Variants in CAMTA1 observed in about 807,000 individuals in gnomAD.
CAMTA1 encodes the protein calmodulin-binding transcription activator 1.
CAMTA1 carries 27 observed loss-of-function variants against 170.9 expected under a neutral mutation model. The observed-to-expected ratio is 0.16, with a 90% CI of 0.12 to 0.22. The LOEUF is 0.22. Ranked by LOEUF, CAMTA1 falls within the 10% of genes least tolerant of loss-of-function variation. The probability of loss-of-function intolerance (pLI) is 1.00; values close to 1 mark genes in which losing one functional copy is unlikely to be tolerated. For missense variants in CAMTA1, 1,619 were observed against 2,217.2 expected, an observed-to-expected ratio of 0.73 and a Z score of 5.42; for synonymous variants, 833 against 891.5, an observed-to-expected ratio of 0.93 and a Z score of 1.17.
At chr1:6,904,932 C>A (rs1461342088) in intron 3 of CAMTA1, among the ~76,000 whole-genome samples, 1 of 151,834 alleles carries the variant, frequency 6.6e-6, no homozygotes, top group African/African-American at 2.4e-5. Context: ...CACTCCGACT[C>A]GCTGTGTGTC....
intron 3 of CAMTA1, among the ~76,000 whole-genome samples, chr1:6,903,925 C>T (rs563389124): frequency 2.0e-5 from 3 of 152,282 alleles, no homozygotes; most frequent in South Asian, 2.1e-4. Flanking sequence ...GCAGTGTCAT[C>T]GTTGGGCAAG....
intron 5 of CAMTA1, among the ~76,000 whole-genome samples, chr1:7,367,325 A>G (rs2086051104): frequency 6.6e-6 from 1 of 152,238 alleles, no homozygotes; most frequent in East Asian, 1.9e-4. Context: ...CCCCTGACAT[A>G]AAGGAGACCA....
At chr1:6,899,771 A>G (rs1250613754) in intron 3 of CAMTA1, among the ~76,000 whole-genome samples, 2 of 152,262 alleles carry the variant, frequency 1.3e-5, no homozygotes, top group Non-Finnish European at 2.9e-5. Context: ...GTGGAATGGA[A>G]GAAAATCACG....
At chr1:7,766,356 C>G (rs1577539188) in intron 22 of CAMTA1, 103 bp from the exon 23 acceptor site, 2 of 1,040,924 alleles carry the variant, frequency 1.9e-6, no homozygotes, top group East Asian at 5.0e-5. Context: ...CGGTTTTAGT[C>G]TTGGCTTTTC....
chr1:7,232,078 T>G (rs1662937174), intron 4 of CAMTA1, among the ~76,000 whole-genome samples: 1 of 152,144 alleles, frequency 6.6e-6, no homozygotes, highest in East Asian at 1.9e-4. Flanking sequence ...CCTGAGTGGG[T>G]GGTCCCCGCA....
intron 5 of CAMTA1, among the ~76,000 whole-genome samples, chr1:7,291,899 C>A (rs1673189803): frequency 1.3e-5 from 2 of 152,214 alleles, no homozygotes; most frequent in Admixed American, 1.3e-4. Flanking sequence ...CCAGCTTCCC[C>A]CGCTGTTTTG....
chr1:6,786,297 C>T (rs948170236), intron 1 of CAMTA1, among the ~76,000 whole-genome samples: 1 of 152,112 alleles, frequency 6.6e-6, no homozygotes, highest in East Asian at 1.9e-4. Context: ...ATCCCCGCCC[C>T]TCGCAGTCGT....
At chr1:7,392,879 A>G (rs921555060) in intron 5 of CAMTA1, among the ~76,000 whole-genome samples, 54 of 151,486 alleles carry the variant, frequency 3.6e-4, no homozygotes, top group Non-Finnish European at 5.9e-4. Context: ...CGATCAATCA[A>G]TCAATCAATC....
chr1:7,718,782 C>T (rs1345137849), intron 11 of CAMTA1, among the ~76,000 whole-genome samples: 4 of 150,832 alleles, frequency 2.7e-5, no homozygotes, highest in East Asian at 3.9e-4. Flanking sequence ...ATCTTGAACT[C>T]GTGACTTCAG....
intron 3 of CAMTA1, chr1:6,871,678 C>G: frequency 8.1e-7 from 1 of 1,240,392 alleles, no homozygotes. Flanking sequence ...GGTTCAGTTA[C>G]AGTGGAATCT....
intron 3 of CAMTA1, among the ~76,000 whole-genome samples, chr1:6,967,691 T>C (rs1156989219): frequency 6.6e-6 from 1 of 152,184 alleles, no homozygotes; most frequent in African/African-American, 2.4e-5. Context: ...AAGTCTGGGC[T>C]GAGGCTGCTG....
At chr1:6,962,752 C>G (rs10864257) in intron 3 of CAMTA1, among the ~76,000 whole-genome samples, 144,872 of 147,030 alleles carry the variant, frequency 0.99, 71,392 homozygotes, top group Middle Eastern at 1. Flanking sequence ...CATCCCTTTT[C>G]GTCCTTGCCC....
chr1:7,053,629 C>A (rs1706817235), intron 3 of CAMTA1, among the ~76,000 whole-genome samples: 1 of 152,208 alleles, frequency 6.6e-6, no homozygotes, highest in Admixed American at 6.5e-5. Flanking sequence ...CCTTCCCCTT[C>A]CTCCCTCACT....
chr1:7,135,677 G>T (rs1645499793), intron 4 of CAMTA1, among the ~76,000 whole-genome samples: 3 of 152,102 alleles, frequency 2.0e-5, no homozygotes, highest in Non-Finnish European at 4.4e-5. Flanking sequence ...ACCACCTGTT[G>T]CCTTTTCTCA....
intron 6 of CAMTA1, among the ~76,000 whole-genome samples, chr1:7,611,136 A>G (rs11587056): frequency 0.21 from 31,517 of 151,968 alleles, 4,468 homozygotes; most frequent in African/African-American, 0.4. Context: ...GGGGCCATGC[A>G]GAAGAGAGCT....
Position 7,682,772 on chromosome 1 carries a change from G to A in CAMTA1, c.2914+5039G>A. ...CTTTCTGCTGAGTGGGCCTGGGCCG[G>A]CCGCTCCTAGGCTGGCTCCCTCCCT... On this transcript the variant is annotated intron_variant, in intron 11 of 22. Transcript: ENST00000303635. The surrounding 1 kb of genome is among the most constrained non-coding windows in gnomAD (Gnocchi z 5.0). Among the ~76,000 whole-genome samples the A allele has an allele frequency of 1.3e-5, 2 of 152,234 alleles. 1 individual carries two copies. The highest frequency in any genetic ancestry group is 4.1e-4 in the South Asian group (2 of 4,828).
At chr1:7,502,733 A>G (rs977991577) in intron 6 of CAMTA1, among the ~76,000 whole-genome samples, 12 of 152,216 alleles carry the variant, frequency 7.9e-5, no homozygotes, top group Non-Finnish European at 1.8e-4. Flanking sequence ...GGGGGATTCA[A>G]TGCCGACGGA....
At chr1:7,015,342 C>T (rs184106186) in intron 3 of CAMTA1, among the ~76,000 whole-genome samples, 5 of 152,256 alleles carry the variant, frequency 3.3e-5, no homozygotes, top group African/African-American at 9.6e-5. Context: ...GTGGCATGTT[C>T]CCACTGTCCA....
intron 3 of CAMTA1, among the ~76,000 whole-genome samples, chr1:7,060,978 G>A (rs1490374079): frequency 2.0e-5 from 3 of 152,094 alleles, no homozygotes; most frequent in Non-Finnish European, 4.4e-5. Flanking sequence ...ATTTTCTCTT[G>A]TTCTTCCTCC....
Sources: gnomAD v4.1 joint callset for allele counts (sites outside exome capture counted in the v4.1 genomes callset) on GRCh38, gnomAD v4.1.1 for gene constraint, Gnocchi (gnomAD v3.1) non-coding constraint, MANE v1.5 for transcripts, NCBI Gene and HGNC (gene_info 2026-07-23, HGNC 2026-07-21) for gene names.